Variants in OSBPL1A observed in about 807,000 individuals in gnomAD.
OSBPL1A encodes oxysterol-binding protein-related protein 1.
A neutral mutation model predicts 137.1 loss-of-function variants in OSBPL1A; 80 were observed. That is an observed-to-expected ratio of 0.58 (90% confidence interval 0.49 to 0.70). The LOEUF is 0.70. Among genes scored for constraint, OSBPL1A ranks in the 30% least tolerant of loss-of-function variants. The probability of loss-of-function intolerance (pLI) is 0.00; values close to 1 mark genes in which losing one functional copy is unlikely to be tolerated. For synonymous variants in OSBPL1A, 365 were observed against 389.7 expected (o/e 0.94, Z 0.75); for missense variants, 970 against 1,129.4 (o/e 0.86, Z 2.02).
At chr18:24,318,884 T>A in intron 7 of OSBPL1A, 75 bp from the exon 8 acceptor site, 1 of 1,191,646 alleles carries the variant, frequency 8.4e-7, no homozygotes, top group Non-Finnish European at 1.2e-6. Flanking sequence ...AACTGCAGCA[T>A]CTAATAGTCC....
intron 17 of OSBPL1A, among the ~76,000 whole-genome samples, chr18:24,207,205 T>A (rs2087399993): frequency 6.6e-6 from 1 of 152,180 alleles, no homozygotes; most frequent in South Asian, 2.1e-4. Context: ...TGCCTCAGCC[T>A]CCCGAGTAGC....
chr18:24,338,653 T>C (rs1399341562), intron 5 of OSBPL1A, among the ~76,000 whole-genome samples: 1 of 152,186 alleles, frequency 6.6e-6, no homozygotes, highest in African/African-American at 2.4e-5. Flanking sequence ...CCTGCCTATG[T>C]CTCTCTTTCT....
chr18:24,393,462 A>AT (rs1168284329), intron 1 of OSBPL1A, among the ~76,000 whole-genome samples: 12 of 151,676 alleles, frequency 7.9e-5, no homozygotes, highest in African/African-American at 1.2e-4. Flanking sequence ...TTTTATTTTT[A>AT]TTTTTTTTGA....
intron 16 of OSBPL1A, among the ~76,000 whole-genome samples, chr18:24,236,454 A>G (rs773046066): frequency 2.0e-5 from 3 of 152,168 alleles, no homozygotes; most frequent in Non-Finnish European, 4.4e-5. Context: ...GATGATTTCA[A>G]TGAATTGGGT....
rs1357036991 is a variant in OSBPL1A, at chr18:24,271,965, G to T, written c.1281+8877C>A. On this transcript the variant is annotated intron_variant, in intron 15 of 27. Coordinates refer to ENST00000319481, the MANE Select transcript of OSBPL1A (RefSeq NM_080597.4). The surrounding 1 kb of genome is among the most constrained non-coding windows in gnomAD (Gnocchi z 4.0). ...CTCGGCCGCAGACCCGCCCTCCGGG[G>T]CTCGCGGGGAGAGCGCGGGCGGGCG... The T allele has an allele frequency of 1.0e-6, 1 of 982,312 alleles. No homozygotes were observed. The highest frequency in any genetic ancestry group is 4.7e-5 in the South Asian group (1 of 21,306). 60.8% of individuals were successfully genotyped at this position (982,312 alleles called of 1,614,324 possible).
chr18:24,202,831 G>C (rs777399202), intron 17 of OSBPL1A, among the ~76,000 whole-genome samples: 1 of 152,126 alleles, frequency 6.6e-6, no homozygotes, highest in Non-Finnish European at 1.5e-5. Context: ...TGGTAATCTT[G>C]ACCTTAAATT....
At position 24,333,009 on chromosome 18, in the gene OSBPL1A, C is replaced by A; in HGVS notation, c.558G>T (p.Arg186=). The change falls in exon 7 of 28, where the codon CGG becomes CGT. Residue 186 remains arginine (R), a synonymous_variant. Coordinates refer to ENST00000319481, the MANE Select transcript of OSBPL1A (RefSeq NM_080597.4). The part of the protein sequence containing the change: ...GNTPLHCAAY[R]AHKQCALKLL... ...GCTTTAAGGCACATTGTTTATGGGC[C>A]CGGTAAGCTGCACAATGCAAGGGTG... 1 of 1,614,066 alleles carries A rather than the reference C, an allele frequency of 6.2e-7. No individual in the cohort carries two copies. Among genetic ancestry groups the A allele is most frequent in the Non-Finnish European group, 8.5e-7 (1 of 1,180,026 alleles).
chr18:24,231,236 T>C (rs1271433711), intron 16 of OSBPL1A, among the ~76,000 whole-genome samples: 1 of 152,188 alleles, frequency 6.6e-6, no homozygotes, highest in East Asian at 1.9e-4. Flanking sequence ...AAATGTAAAA[T>C]CTCACAAAGT....
chr18:24,352,599 C>T (rs1411385028), intron 4 of OSBPL1A, among the ~76,000 whole-genome samples: 4 of 152,120 alleles, frequency 2.6e-5, no homozygotes, highest in Non-Finnish European at 5.9e-5. Flanking sequence ...AAAGAGCCTG[C>T]ATTGCCAAGT....
At chr18:24,333,729 T>G (rs2091125412) in intron 6 of OSBPL1A, among the ~76,000 whole-genome samples, 1 of 152,200 alleles carries the variant, frequency 6.6e-6, no homozygotes, top group Admixed American at 6.5e-5. Flanking sequence ...AAAGTAGGTC[T>G]TCTAAGGTGG....
chr18:24,245,695 G>T (rs565776781), intron 15 of OSBPL1A, among the ~76,000 whole-genome samples: 1 of 152,304 alleles, frequency 6.6e-6, no homozygotes, highest in Admixed American at 6.5e-5. Flanking sequence ...TCTCAGGCAG[G>T]ATGGACATGT....
At chr18:24,239,431 C>T in intron 15 of OSBPL1A, 49 bp from the exon 16 acceptor site, 1 of 1,497,862 alleles carries the variant, frequency 6.7e-7, no homozygotes, top group Non-Finnish European at 9.2e-7. Context: ...ACAGGAGACA[C>T]AGACGTACTC....
At chr18:24,186,480 A>G (rs890091182) in intron 18 of OSBPL1A, among the ~76,000 whole-genome samples, 8 of 152,368 alleles carry the variant, frequency 5.3e-5, no homozygotes, top group African/African-American at 1.9e-4. Flanking sequence ...AGATAGTAAC[A>G]TCAAAAAGTT....
At chr18:24,227,408 T>C (rs1387051063) in intron 16 of OSBPL1A, among the ~76,000 whole-genome samples, 2 of 152,056 alleles carry the variant, frequency 1.3e-5, no homozygotes, top group East Asian at 1.9e-4. Context: ...TACATAATGC[T>C]AAGACAAAAA....
chr18:24,292,679 C>T (rs1192632661), intron 14 of OSBPL1A, among the ~76,000 whole-genome samples: 1 of 152,106 alleles, frequency 6.6e-6, no homozygotes, highest in Admixed American at 6.6e-5. Flanking sequence ...TACACACACT[C>T]ATAGGAAGTC....
chr18:24,231,891 G>A (rs1452921395), intron 16 of OSBPL1A, among the ~76,000 whole-genome samples: 1 of 152,158 alleles, frequency 6.6e-6, no homozygotes, highest in East Asian at 1.9e-4. Flanking sequence ...ATCCTGATAA[G>A]CACTTTTTTA....
In OSBPL1A at chr18:24,172,436, T is replaced by A. The variant is rs765893023; in HGVS notation, c.2141A>T (p.Asn714Ile). The stretch of plus-strand genomic sequence containing the variant: ...GATCCACAGTTTACCCACAATGATA[T>A]TATGCACACAGCAGGTGGGATTTGT... ...TWTNPTCCVH[N>I]IIVGKLWIEQ... Residue 714 changes from asparagine to isoleucine, a missense_variant, in exon 22 of 28, where the codon AAT (asparagine) becomes ATT (isoleucine). Coordinates refer to ENST00000319481, the MANE Select transcript of OSBPL1A (RefSeq NM_080597.4). 6.8e-6 allele frequency: 11 copies of A among 1,614,016 alleles called. No homozygotes were observed. The highest frequency in any genetic ancestry group is 9.3e-6 in the Non-Finnish European group (11 of 1,180,000).
chr18:24,386,575 C>G (rs1906974613), intron 1 of OSBPL1A, among the ~76,000 whole-genome samples: 1 of 152,166 alleles, frequency 6.6e-6, no homozygotes, highest in African/African-American at 2.4e-5. Flanking sequence ...CTGCTTTTCC[C>G]TTATAATCTT....
At chr18:24,176,550 A>AT (rs1189894353) in intron 21 of OSBPL1A, among the ~76,000 whole-genome samples, 2 of 151,288 alleles carry the variant, frequency 1.3e-5, no homozygotes, top group African/African-American at 2.4e-5. Flanking sequence ...ATGCTGAATG[A>AT]TTTTGGATTG....
Sources: gnomAD v4.1 joint callset for allele counts (sites outside exome capture counted in the v4.1 genomes callset) on GRCh38, gnomAD v4.1.1 for gene constraint, Gnocchi (gnomAD v3.1) non-coding constraint, MANE v1.5 for transcripts, NCBI Gene and HGNC (gene_info 2026-07-23, HGNC 2026-07-21) for gene names.